MCTP2: variants seen among roughly 807,000 people sequenced by gnomAD.
MCTP2 encodes the protein multiple C2 and transmembrane domain containing 2, also known as multiple C2 and transmembrane domain-containing protein 2.
Under a neutral mutation model 111.6 loss-of-function variants are expected in MCTP2, and 132 were observed. The observed-to-expected ratio is 1.18, with a 90% confidence interval of 1.03 to 1.37. The LOEUF (loss-of-function observed/expected upper bound fraction) is 1.37, where lower values mean the gene tolerates loss of function less well. Among genes scored for constraint, MCTP2 ranks in the 40% most tolerant of loss-of-function variants. The pLI, the probability that MCTP2 is intolerant of heterozygous loss-of-function variation, is 0.00. For synonymous variants in MCTP2, 395 were observed against 387.7 expected, an observed-to-expected ratio of 1.02 and a Z score of -0.22; for missense variants, 1,183 against 1,067.9, an observed-to-expected ratio of 1.11 and a Z score of -1.50.
rs140817032 is a variant in MCTP2, at chr15:94,476,740, G to A, written c.2515G>A (p.Asp839Asn). ...GAAGCTTCGAAATCCCTATTCCATC[G>A]ACAATAATGAGCTACTAGACTTCCT... is the stretch of plus-strand genomic sequence containing the variant. ...TKKLRNPYSI[D>N]NNELLDFLSR... is the part of the protein sequence containing the mutation. The change falls in exon 22 of 23, where the codon GAC (aspartate) becomes AAC (asparagine). Residue 839 changes from aspartate (D) to asparagine (N), a missense_variant. By Grantham distance (23) the Asp-to-Asn change is conservative (BLOSUM62 1). Coordinates refer to ENST00000357742, the MANE Select transcript of MCTP2 (RefSeq NM_001385001.1). The A allele has an allele frequency of 2.5e-4, 399 of 1,609,630 alleles. No homozygotes were observed. The African/African-American group carries it at 4.7e-3, about 19-fold the overall frequency.
intron 1 of MCTP2, among the ~76,000 whole-genome samples, chr15:94,266,077 C>CGT (rs1555443451): frequency 1.2e-3 from 56 of 48,288 alleles, no homozygotes; most frequent in African/African-American, 8.2e-3. Context: ...CATGCGTGTG[C>CGT]GCGCACACAC....
intron 17 of MCTP2, among the ~76,000 whole-genome samples, chr15:94,427,578 G>C (rs1221179752): frequency 6.6e-6 from 1 of 152,076 alleles, no homozygotes; most frequent in East Asian, 1.9e-4. Context: ...CAAGGGAGAG[G>C]TTCACCCGCA....
At position 94,474,050 on chromosome 15, in the gene MCTP2, C is replaced by T. The variant is rs1211110590; in HGVS notation, c.2471-2646C>T. ...GGACCAGTACATGATAGCATCTTTC[C>T]CAACAAAATGTTATTCTTCAGTATT... On this transcript the variant is annotated intron_variant, in intron 21 of 22. Coordinates refer to ENST00000357742, the MANE Select transcript of MCTP2 (RefSeq NM_001385001.1). Among the ~76,000 whole-genome samples the T allele has an allele frequency of 2.0e-5, 3 of 152,068 alleles. No individual in the cohort carries two copies. In the East Asian group the frequency reaches 5.8e-4, roughly 29 times the overall value.
chr15:94,424,956 A>G (rs1207362543), intron 17 of MCTP2, among the ~76,000 whole-genome samples: 1 of 151,802 alleles, frequency 6.6e-6, no homozygotes, highest in Non-Finnish European at 1.5e-5. Context: ...AATATCTTCT[A>G]GAGGTTTCTA....
Position 94,480,764 on chromosome 15 carries a change from C to G in MCTP2, c.*1730C>G, listed in dbSNP as rs1219853679. 6.6e-6 allele frequency: 1 copy of G among 152,156 alleles called. No homozygotes were observed. Among genetic ancestry groups the G allele is most frequent in the Non-Finnish European group, 1.5e-5 (1 of 68,034 alleles). The allele number at this position is 152,156 out of a possible 1,614,324, so 9.4% of individuals were successfully genotyped here. ...AAAACTTTCAGCAGCAAAATAACCCCTTATTTATTTAAAAGTGGAACCAAT... is the reference window on the plus strand; with the variant it reads ...AAAACTTTCAGCAGCAAAATAACCCGTTATTTATTTAAAAGTGGAACCAAT... On this transcript the variant is annotated 3_prime_UTR_variant, in exon 23 of 23. Transcript: ENST00000357742.
intron 21 of MCTP2, among the ~76,000 whole-genome samples, chr15:94,473,566 G>A (rs1179308830): frequency 1.3e-5 from 2 of 152,152 alleles, no homozygotes; most frequent in Non-Finnish European, 2.9e-5. Flanking sequence ...CCTTTTGAGA[G>A]ATTTCCCATA....
At chr15:94,478,536 G>A (rs2074551828) in intron 22 of MCTP2, among the ~76,000 whole-genome samples, 1 of 152,026 alleles carries the variant, frequency 6.6e-6, no homozygotes, top group Non-Finnish European at 1.5e-5. Flanking sequence ...TTCCTCTCAG[G>A]CAAAGTAAAT....
intron 17 of MCTP2, among the ~76,000 whole-genome samples, chr15:94,434,989 G>C (rs568610409): frequency 1.3e-4 from 19 of 151,682 alleles, no homozygotes; most frequent in South Asian, 4.2e-4. Flanking sequence ...TTAGCCTCCC[G>C]AGTAGCTGGG....
intron 14 of MCTP2, among the ~76,000 whole-genome samples, chr15:94,394,132 A>T (rs964922614): frequency 6.6e-6 from 1 of 151,994 alleles, no homozygotes; most frequent in African/African-American, 2.4e-5. Context: ...AATTATGATC[A>T]TGATGGTCGA....
intron 7 of MCTP2, 61 bp from the exon 8 acceptor site, chr15:94,345,068 G>T: frequency 6.4e-7 from 1 of 1,564,098 alleles, no homozygotes. Context: ...CATTGATAAT[G>T]ATTCTATCTT....
chr15:94,305,800 T>C (rs1357597656), intron 2 of MCTP2, among the ~76,000 whole-genome samples: 2 of 152,166 alleles, frequency 1.3e-5, no homozygotes, highest in Non-Finnish European at 2.9e-5. Context: ...GAAAGGAGTT[T>C]CTAAGCATCA....
chr15:94,380,690 C>T (rs908104425), intron 12 of MCTP2, among the ~76,000 whole-genome samples: 2 of 151,946 alleles, frequency 1.3e-5, no homozygotes, highest in African/African-American at 2.4e-5. Flanking sequence ...ATTGCTGGAA[C>T]CCAGGAGGCA....
At position 94,312,151 on chromosome 15, in the gene MCTP2, G is replaced by T. The variant is rs753960250; in HGVS notation, c.466-2131G>T. ...TTTCAGGCTTCAGAGCATCAGCACC[G>T]TTTACTCTTGGCTCTGCATGTGAAG... is the stretch of plus-strand genomic sequence containing the variant. On this transcript the variant is annotated intron_variant, in intron 2 of 22. Transcript: ENST00000357742. Among the ~76,000 whole-genome samples the T allele has an allele frequency of 2.0e-5, 3 of 152,166 alleles. No homozygotes were observed. In the East Asian group the frequency reaches 5.8e-4, roughly 29 times the overall value.
chr15:94,389,050 C>G (rs1266770989), intron 14 of MCTP2, among the ~76,000 whole-genome samples: 2 of 152,136 alleles, frequency 1.3e-5, no homozygotes, highest in Admixed American at 1.3e-4. Flanking sequence ...GTGCAATAAA[C>G]ACGTAAGACC....
intron 17 of MCTP2, among the ~76,000 whole-genome samples, chr15:94,437,586 A>G (rs2083549367): frequency 6.6e-6 from 1 of 152,098 alleles, no homozygotes. Context: ...TATCAAGACA[A>G]TCTCAGTCTT....
chr15:94,460,646 T>A (rs779316376), intron 20 of MCTP2, among the ~76,000 whole-genome samples: 1 of 152,100 alleles, frequency 6.6e-6, no homozygotes, highest in Non-Finnish European at 1.5e-5. Flanking sequence ...AGGAAATGTG[T>A]CTGAGGAGAG....
At chr15:94,411,546 T>C (rs2152485719) in intron 17 of MCTP2, among the ~76,000 whole-genome samples, 1 of 152,308 alleles carries the variant, frequency 6.6e-6, no homozygotes, top group Admixed American at 6.5e-5. Flanking sequence ...CCTGATCTGA[T>C]GTTTATGGAG....
At chr15:94,262,973 A>G (rs1410253799) in intron 1 of MCTP2, among the ~76,000 whole-genome samples, 1 of 152,068 alleles carries the variant, frequency 6.6e-6, no homozygotes, top group African/African-American at 2.4e-5. Flanking sequence ...ACCTGGCCTT[A>G]TTTCTTCTTT....
At chr15:94,407,060 T>C (rs1266711104) in intron 17 of MCTP2, among the ~76,000 whole-genome samples, 2 of 152,116 alleles carry the variant, frequency 1.3e-5, no homozygotes, top group African/African-American at 2.4e-5. Flanking sequence ...AAAGATAAAT[T>C]TGTTCTCAAA....
Sources: allele counts gnomAD v4.1 joint callset (sites outside exome capture counted in the v4.1 genomes callset), GRCh38; gene constraint gnomAD v4.1.1; transcripts MANE v1.5; gene names NCBI Gene and HGNC (gene_info 2026-07-23, HGNC 2026-07-21).